EXOC8: variants seen among roughly 807,000 people sequenced by gnomAD.
The protein encoded by EXOC8 is exocyst complex 84 kDa subunit.
A neutral mutation model predicts 50.8 loss-of-function variants in EXOC8; 19 were observed. The observed-to-expected ratio is 0.37, with a 90% confidence interval of 0.26 to 0.55. The LOEUF (loss-of-function observed/expected upper bound fraction) is 0.55. Ranked by LOEUF, EXOC8 falls within the 20% of genes least tolerant of loss-of-function variation. The pLI, the probability that EXOC8 is intolerant of heterozygous loss-of-function variation, is 0.80. For missense variants in EXOC8, 781 were observed against 915.8 expected (o/e 0.85, Z 1.90); for synonymous variants, 384 against 367.9 (o/e 1.04, Z -0.50).
At position 231,336,386 on chromosome 1, in the gene EXOC8, G is replaced by C; in HGVS notation, c.1360C>G (p.Leu454Val). Reference sequence around the variant, plus strand: ...ACATGGCACAGCTTATGAATATAGAGTAAAGTGGCACCTTCGATGCGAAGC... The same window carrying C: ...ACATGGCACAGCTTATGAATATAGACTAAAGTGGCACCTTCGATGCGAAGC... Reference protein sequence around the residue: ...RQLRIEGATLLYIHKLCHVFF... With the variant: ...RQLRIEGATLVYIHKLCHVFF... Residue 454 changes from leucine (L) to valine (V), a missense_variant, in exon 1 of 1, where the codon CTC becomes GTC. By Grantham distance (32) the Leu-to-Val change is conservative (BLOSUM62 1). This residue lies in a region of EXOC8 where 700 missense variants were observed against 804.1 expected (regional missense o/e 0.87). Coordinates refer to ENST00000366645, the MANE Select transcript of EXOC8 (RefSeq NM_175876.5). The surrounding 1 kb of genome is among the most constrained non-coding windows in gnomAD (Gnocchi z 5.4). 6.2e-7 allele frequency: 1 copy of C among 1,614,034 alleles called. No individual in the cohort carries two copies. Among genetic ancestry groups the C allele is most frequent in the Non-Finnish European group, 8.5e-7 (1 of 1,180,044 alleles).
chr1:231,337,615 T>A lies in EXOC8; in HGVS notation c.131A>T (p.His44Leu). 1 of 1,611,918 alleles carries A rather than the reference T, an allele frequency of 6.2e-7. No homozygotes were observed. The highest frequency in any genetic ancestry group is 1.1e-5 in the South Asian group (1 of 91,072). Residue 44 changes from histidine to leucine, a missense_variant, in exon 1 of 1, where the codon CAC becomes CTC. This residue lies in a region of EXOC8 where 700 missense variants were observed against 804.1 expected (regional missense o/e 0.87). Transcript: ENST00000366645. This position sits in a 1 kb window ranked among gnomAD's most constrained non-coding sequence, Gnocchi z 5.9. ...CGCCAGCGCCTGGATGCGCTGCCGG[T>A]GCTCCTGGAGGTCCCGGTCCCCATC... ...QSDGDRDLQE[H>L]RQRIQALAEE...
At position 231,334,601 on chromosome 1, in the gene EXOC8, C is replaced by T. The variant is rs1040847548; in HGVS notation, c.*967G>A. The T allele has an allele frequency of 1.3e-5, 2 of 152,172 alleles. No homozygotes were observed. The highest frequency in any genetic ancestry group is 4.8e-5 in the African/African-American group (2 of 41,438). The allele number at this position is 152,172 out of a possible 1,614,324, so 9.4% of individuals were successfully genotyped here. ...ACACAATTTAGAAATATGTTGAAAACTTTTATTATAGTCCTTAGGATTTCC... is the reference window on the plus strand; with the variant it reads ...ACACAATTTAGAAATATGTTGAAAATTTTTATTATAGTCCTTAGGATTTCC... On this transcript the variant is annotated 3_prime_UTR_variant, in exon 1 of 1. Transcript: ENST00000366645.
In EXOC8 at chr1:231,335,657, C is replaced by T. The variant is rs762241284; in HGVS notation, c.2089G>A (p.Val697Met). The T allele has an allele frequency of 6.2e-7, 1 of 1,614,216 alleles. No homozygotes were observed. Among genetic ancestry groups the T allele is most frequent in the Non-Finnish European group, 8.5e-7 (1 of 1,180,034 alleles). The change falls in exon 1 of 1, where the codon GTG becomes ATG. Residue 697 changes from valine to methionine, a missense_variant. Physicochemically the swap from Val to Met is conservative, Grantham distance 21. This residue lies in a region of EXOC8 where 79 missense variants were observed against 95.3 expected (regional missense o/e 0.83). Coordinates refer to ENST00000366645, the MANE Select transcript of EXOC8 (RefSeq NM_175876.5). ...TGGAGTTGCTTGGCAGGTTTCCCCA[C>T]ACCTTCTTCAAACCTTTTCTCCACC... ...PVVEKRFEEG[V>M]GKPAKQLQDL...
Position 231,336,108 on chromosome 1 carries a change from A to C in EXOC8, c.1638T>G (p.Leu546=). The change falls in exon 1 of 1, where the codon CTT becomes CTG. Residue 546 remains leucine, a synonymous_variant. Transcript: ENST00000366645. The surrounding 1 kb of genome is among the most constrained non-coding windows in gnomAD (Gnocchi z 5.4). The stretch of plus-strand genomic sequence containing the variant: ...AGGCCCCTTGGATGTCTTTCACCAG[A>C]AGGGCATGGATGATGAAGGTGAGAT... ...GLDLTFIIHA[L]LVKDIQGALH... 1 of 1,614,200 alleles carries C rather than the reference A, an allele frequency of 6.2e-7. No homozygotes were observed. The highest frequency in any genetic ancestry group is 1.1e-5 in the South Asian group (1 of 91,080).
In EXOC8 at chr1:231,337,378, C is replaced by A; in HGVS notation, c.368G>T (p.Gly123Val). The A allele has an allele frequency of 1.2e-6, 2 of 1,603,312 alleles. No homozygotes were observed. Among genetic ancestry groups the A allele is most frequent in the Non-Finnish European group, 1.7e-6 (2 of 1,179,538 alleles). ...GTCTCGGCCCCCCGCCCCACCGACT[C>A]CCTCCTCCCCTCCAGAGGCGGCGGC... ...GAAAASGGEE[G>V]VGGAGGRDHL... Residue 123 changes from glycine (G) to valine (V), a missense_variant, in exon 1 of 1, where the codon GGA becomes GTA. By Grantham distance (109) the Gly-to-Val change is moderately radical. Around this residue, in one of 3 missense-constraint regions of EXOC8, gnomAD observed 700 missense variants for 804.1 expected, o/e 0.87. Transcript: ENST00000366645. This position sits in a 1 kb window ranked among gnomAD's most constrained non-coding sequence, Gnocchi z 5.9.
rs111249567 is a variant in EXOC8 at position 231,335,285 on chromosome 1, G to A, written c.*283C>T. Reference sequence around the variant, plus strand: ...AAAAGTTTTATCAAAGGATAAAACCGAAATGCTATAGTATATAGTGTGACC... The same window carrying A: ...AAAAGTTTTATCAAAGGATAAAACCAAAATGCTATAGTATATAGTGTGACC... On this transcript the variant is annotated 3_prime_UTR_variant, in exon 1 of 1. Coordinates refer to ENST00000366645, the MANE Select transcript of EXOC8 (RefSeq NM_175876.5). 3.0e-5 allele frequency: 6 copies of A among 202,142 alleles called. No individual in the cohort carries two copies. Among genetic ancestry groups the A allele is most frequent in the Non-Finnish European group, 4.9e-5 (5 of 102,784 alleles). The allele number at this position is 202,142 out of a possible 1,614,324, so 12.5% of individuals were successfully genotyped here.
Position 231,334,172 on chromosome 1 carries a change from C to T in EXOC8, c.*1396G>A, listed in dbSNP as rs1686618439. 6.6e-6 allele frequency: 1 copy of T among 152,158 alleles called. No homozygotes were observed. The highest frequency in any genetic ancestry group is 6.5e-5 in the Admixed American group (1 of 15,282). 9.4% of individuals were successfully genotyped at this position (152,158 alleles called of 1,614,324 possible). ...AAGCAAGGAAAAATAAAAAATGAAA[C>T]AAAAATGCAGCATGGAACATTTTAG... On this transcript the variant is annotated 3_prime_UTR_variant, in exon 1 of 1. Transcript: ENST00000366645.
At position 231,335,625 on chromosome 1, in the gene EXOC8, C is replaced by G. The variant is rs1181163553; in HGVS notation, c.2121G>C (p.Leu707=). Residue 707 remains leucine, a synonymous_variant, in exon 1 of 1, where the codon CTG becomes CTC. Coordinates refer to ENST00000366645, the MANE Select transcript of EXOC8 (RefSeq NM_175876.5). ...CACGAATAAGTCTAGATGCATTCCTCAGATCTTGGAGTTGCTTGGCAGGTT... is the reference window on the plus strand; with the variant it reads ...CACGAATAAGTCTAGATGCATTCCTGAGATCTTGGAGTTGCTTGGCAGGTT... ...VGKPAKQLQD[L]RNASRLIRVN... 1.9e-6 allele frequency: 3 copies of G among 1,614,004 alleles called. No individual in the cohort carries two copies. Among genetic ancestry groups the G allele is most frequent in the Admixed American group, 1.7e-5 (1 of 60,000 alleles).
rs1315645013 is a variant in EXOC8, at chr1:231,337,056, G to T, written c.690C>A (p.Leu230=). 6.2e-7 allele frequency: 1 copy of T among 1,614,008 alleles called. No homozygotes were observed. Among genetic ancestry groups the T allele is most frequent in the Admixed American group, 1.7e-5 (1 of 60,008 alleles). The change falls in exon 1 of 1, where the codon CTC becomes CTA. Residue 230 remains leucine, a synonymous_variant. Transcript: ENST00000366645. This position sits in a 1 kb window ranked among gnomAD's most constrained non-coding sequence, Gnocchi z 5.9. The stretch of plus-strand genomic sequence containing the variant: ...CTACGGCCAAACCATCTAGGGAATA[G>T]AGAGCGTTGTAGCGATACATCCCAC... ...QRRGMYRYNA[L]YSLDGLAVVN...
Position 231,337,339 on chromosome 1 carries a change from T to A in EXOC8, c.407A>T (p.Gln136Leu). 6.2e-7 allele frequency: 1 copy of A among 1,602,354 alleles called. No homozygotes were observed. Among genetic ancestry groups the A allele is most frequent in the South Asian group, 1.1e-5 (1 of 91,060 alleles). Reference sequence around the variant, plus strand: ...CCCGGGGGTGGAGAAAAAGCCGGCCTGGCCTCGGAGGTGGTCTCGGCCCCC... The same window carrying A: ...CCCGGGGGTGGAGAAAAAGCCGGCCAGGCCTCGGAGGTGGTCTCGGCCCCC... Reference protein sequence around the residue: ...GAGGRDHLRGQAGFFSTPGGA... With the variant: ...GAGGRDHLRGLAGFFSTPGGA... Residue 136 changes from glutamine (Q) to leucine (L), a missense_variant, in exon 1 of 1, where the codon CAG becomes CTG. By Grantham distance (113) the Gln-to-Leu change is moderately radical (BLOSUM62 -2). Around this residue, in one of 3 missense-constraint regions of EXOC8, gnomAD observed 700 missense variants for 804.1 expected, o/e 0.87. Coordinates refer to ENST00000366645, the MANE Select transcript of EXOC8 (RefSeq NM_175876.5). The surrounding 1 kb of genome is among the most constrained non-coding windows in gnomAD (Gnocchi z 5.9).
In EXOC8 at chr1:231,337,665, G is replaced by A. The variant is rs1357204831; in HGVS notation, c.81C>T (p.Tyr27=). The change falls in exon 1 of 1, where the codon TAC becomes TAT. Residue 27 remains tyrosine, a synonymous_variant. Transcript: ENST00000366645. This position sits in a 1 kb window ranked among gnomAD's most constrained non-coding sequence, Gnocchi z 5.9. ...CCGACTGCTGCGAGAGCTGCTTCAC[G>A]TACAGCCGCGCCTCAAAACCCCCTG... The part of the protein sequence containing the change: ...LESGGFEARL[Y]VKQLSQQSDG... The A allele has an allele frequency of 1.4e-5, 23 of 1,609,480 alleles. 1 individual carries two copies. The highest frequency in any genetic ancestry group is 8.3e-5 in the Admixed American group (5 of 59,994).
At position 231,337,340 on chromosome 1, in the gene EXOC8, G is replaced by C. The variant is rs1686704501; in HGVS notation, c.406C>G (p.Gln136Glu). 1.2e-6 allele frequency: 2 copies of C among 1,602,322 alleles called. No individual in the cohort carries two copies. Among genetic ancestry groups the C allele is most frequent in the African/African-American group, 1.3e-5 (1 of 75,014 alleles). The change falls in exon 1 of 1, where the codon CAG becomes GAG. Residue 136 changes from glutamine (Q) to glutamate (E), a missense_variant. Gln to Glu is a conservative substitution (Grantham distance 29, BLOSUM62 2). This residue lies in a region of EXOC8 where 700 missense variants were observed against 804.1 expected (regional missense o/e 0.87). Coordinates refer to ENST00000366645, the MANE Select transcript of EXOC8 (RefSeq NM_175876.5). This position sits in a 1 kb window ranked among gnomAD's most constrained non-coding sequence, Gnocchi z 5.9. ...GAGGRDHLRGQAGFFSTPGGA... is the reference protein window; with the variant it reads ...GAGGRDHLRGEAGFFSTPGGA... ...CCGGGGGTGGAGAAAAAGCCGGCCTGGCCTCGGAGGTGGTCTCGGCCCCCC... is the reference window on the plus strand; with the variant it reads ...CCGGGGGTGGAGAAAAAGCCGGCCTCGCCTCGGAGGTGGTCTCGGCCCCCC...
chr1:231,335,569 T>C lies in EXOC8; in HGVS notation c.2177A>G (p.Ter726=). 6.2e-7 allele frequency: 1 copy of C among 1,602,836 alleles called. No homozygotes were observed. Among genetic ancestry groups the C allele is most frequent in the Non-Finnish European group, 8.5e-7 (1 of 1,175,270 alleles). ...VNPESTTSVV[*] ...TACACATATAAACAGACCCAAGCAT[T>C]AGACCACTGATGTTGTACTTTCAGG... Residue 726 remains the stop codon, a stop_retained_variant, in exon 1 of 1, where the codon TAA becomes TGA. Transcript: ENST00000366645.
At position 231,337,437 on chromosome 1, in the gene EXOC8, A is replaced by G. The variant is rs200281107; in HGVS notation, c.309T>C (p.Leu103=). The G allele has an allele frequency of 6.2e-7, 1 of 1,610,034 alleles. No homozygotes were observed. The highest frequency in any genetic ancestry group is 1.7e-5 in the Admixed American group (1 of 59,974). The change falls in exon 1 of 1, where the codon CTT becomes CTC. Residue 103 remains leucine (L), a synonymous_variant. Coordinates refer to ENST00000366645, the MANE Select transcript of EXOC8 (RefSeq NM_175876.5). The surrounding 1 kb of genome is among the most constrained non-coding windows in gnomAD (Gnocchi z 5.9). ...CGGCAGCAGCGGCAGGCAGCAACGT[A>G]AGCGGGATGCTCTCCAGGCTGCTTT... ...EQKSSLESIP[L]TLLPAAAAAG...
rs1379620092 is a variant in EXOC8, at chr1:231,337,284, G to A, written c.462C>T (p.Gly154=). Residue 154 remains glycine (G), a synonymous_variant, in exon 1 of 1, where the codon GGC becomes GGT. Coordinates refer to ENST00000366645, the MANE Select transcript of EXOC8 (RefSeq NM_175876.5). The surrounding 1 kb of genome is among the most constrained non-coding windows in gnomAD (Gnocchi z 5.9). ...GGASRDGSGP[G]EEGKQRTLTT... is the part of the protein sequence containing the mutation. ...TGAGAGTGCGCTGCTTTCCTTCCTC[G>A]CCTGGACCGGAGCCGTCGCGGGAGG... 1 of 1,606,012 alleles carries A rather than the reference G, an allele frequency of 6.2e-7. No homozygotes were observed. The highest frequency in any genetic ancestry group is 8.5e-7 in the Non-Finnish European group (1 of 1,179,956).
Position 231,336,660 on chromosome 1 carries a change from T to C in EXOC8, c.1086A>G (p.Lys362=), listed in dbSNP as rs200964466. 26 of 1,614,216 alleles carry C rather than the reference T, an allele frequency of 1.6e-5. No individual in the cohort carries two copies. The highest frequency in any genetic ancestry group is 2.2e-5 in the Non-Finnish European group (26 of 1,180,034). The stretch of plus-strand genomic sequence containing the variant: ...GTTTATCTTCCAGGTAATGGTTCAA[T>C]TTATCCAGCAGGTCAACCGCCCCTT... The part of the protein sequence containing the change: ...DFEGAVDLLD[K]LNHYLEDKPS... The change falls in exon 1 of 1, where the codon AAA becomes AAG. Residue 362 remains lysine (K), a synonymous_variant. Transcript: ENST00000366645. This position sits in a 1 kb window ranked among gnomAD's most constrained non-coding sequence, Gnocchi z 5.4.
rs1228254771 is a variant in EXOC8, at chr1:231,335,880, T to C, written c.1866A>G (p.Lys622=). ...CCTCTTCCAAGAAGCCCATGGTCTG[T>C]TTGGTGAAAGCAACCACTGTGTAAC... ...NLSYTVVAFT[K]QTMGFLEEAL... Residue 622 remains lysine, a synonymous_variant, in exon 1 of 1, where the codon AAA becomes AAG. Transcript: ENST00000366645. 1.2e-6 allele frequency: 2 copies of C among 1,614,180 alleles called. No individual in the cohort carries two copies. Among genetic ancestry groups the C allele is most frequent in the Non-Finnish European group, 8.5e-7 (1 of 1,180,026 alleles).
chr1:231,336,312 A>C lies in EXOC8; in HGVS notation c.1434T>G (p.Phe478Leu). ...LETAREFEID[F>L]AGTDSGCYSA... The stretch of plus-strand genomic sequence containing the variant: ...AGTAGCAGCCGCTGTCAGTGCCTGC[A>C]AAATCGATCTCAAATTCTCTTGCAG... The change falls in exon 1 of 1, where the codon TTT (phenylalanine) becomes TTG (leucine). Residue 478 changes from phenylalanine to leucine, a missense_variant. This residue lies in a region of EXOC8 where 700 missense variants were observed against 804.1 expected (regional missense o/e 0.87). Coordinates refer to ENST00000366645, the MANE Select transcript of EXOC8 (RefSeq NM_175876.5). This position sits in a 1 kb window ranked among gnomAD's most constrained non-coding sequence, Gnocchi z 5.4. 6.2e-7 allele frequency: 1 copy of C among 1,614,082 alleles called. No homozygotes were observed. The highest frequency in any genetic ancestry group is 8.5e-7 in the Non-Finnish European group (1 of 1,179,992).
In EXOC8 at chr1:231,337,637, C is replaced by T; in HGVS notation, c.109G>A (p.Gly37Arg). The change falls in exon 1 of 1, where the codon GGG (glycine) becomes AGG (arginine). Residue 37 changes from glycine to arginine, a missense_variant. By Grantham distance (125) the Gly-to-Arg change is moderately radical. Around this residue, in one of 3 missense-constraint regions of EXOC8, gnomAD observed 700 missense variants for 804.1 expected, o/e 0.87. Coordinates refer to ENST00000366645, the MANE Select transcript of EXOC8 (RefSeq NM_175876.5). The surrounding 1 kb of genome is among the most constrained non-coding windows in gnomAD (Gnocchi z 5.9). Reference sequence around the variant, plus strand: ...CGGTGCTCCTGGAGGTCCCGGTCCCCATCCGACTGCTGCGAGAGCTGCTTC... The same window carrying T: ...CGGTGCTCCTGGAGGTCCCGGTCCCTATCCGACTGCTGCGAGAGCTGCTTC... ...YVKQLSQQSD[G>R]DRDLQEHRQR... The T allele has an allele frequency of 6.2e-7, 1 of 1,610,800 alleles. No homozygotes were observed. The highest frequency in any genetic ancestry group is 8.5e-7 in the Non-Finnish European group (1 of 1,179,988).
Sources: gnomAD v4.1 joint callset for allele counts on GRCh38, gnomAD v4.1.1 for gene constraint, gnomAD v4.1.1 regional missense constraint, Gnocchi (gnomAD v3.1) non-coding constraint, MANE v1.5 for transcripts, NCBI Gene and HGNC (gene_info 2026-07-23, HGNC 2026-07-21) for gene names.